The following FRYL variants were observed in gnomAD, a reference collection of about 807,000 sequenced individuals.
The protein encoded by FRYL is protein furry homolog-like.
Under a neutral mutation model 351.2 loss-of-function variants are expected in FRYL, and 150 were observed. The observed-to-expected ratio is 0.43, with a 90% CI of 0.37 to 0.49. FRYL has a LOEUF of 0.49. Ranked by LOEUF, FRYL falls within the 20% of genes least tolerant of loss-of-function variation. The pLI is 0.00. For missense variants in FRYL, 3,036 were observed against 3,619.3 expected, an observed-to-expected ratio of 0.84 and a Z score of 4.13; for synonymous variants, 1,153 against 1,257.1, an observed-to-expected ratio of 0.92 and a Z score of 1.75.
intron 1 of FRYL, among the ~76,000 whole-genome samples, chr4:48,761,798 C>T (rs1369625425): frequency 1.3e-5 from 2 of 152,162 alleles, no homozygotes; most frequent in East Asian, 1.9e-4. Context: ...CTATATCATA[C>T]AGCCTAGATG....
chr4:48,739,459 G>A (rs1171061205), intron 1 of FRYL, among the ~76,000 whole-genome samples: 1 of 150,610 alleles, frequency 6.6e-6, no homozygotes, highest in African/African-American at 2.4e-5. Context: ...GCAATACAAG[G>A]GAGAAAAGAT....
intron 2 of FRYL, among the ~76,000 whole-genome samples, chr4:48,691,220 C>A (rs1484233761): frequency 1.1e-4 from 17 of 152,148 alleles, no homozygotes; most frequent in Non-Finnish European, 2.4e-4. Context: ...AACTCCATTT[C>A]TAAGAGCTTA....
chr4:48,561,460 G>C lies in FRYL; in HGVS notation c.3865+8C>G, dbSNP rs375729707. 3 of 1,559,544 alleles carry C rather than the reference G, an allele frequency of 1.9e-6. No individual in the cohort carries two copies. In the African/African-American group the frequency reaches 4.1e-5, roughly 21 times the overall value. ...AATAGAAACTACTAACCAGTTCATT[G>C]ATCATACCTGAGAATATGGCGAGAG... is the stretch of plus-strand genomic sequence containing the variant. On this transcript the variant is annotated splice_region_variant and intron_variant, in intron 33 of 63. Transcript: ENST00000358350.
intron 47 of FRYL, among the ~76,000 whole-genome samples, chr4:48,536,935 G>T (rs1203973262): frequency 6.6e-6 from 1 of 152,078 alleles, no homozygotes; most frequent in Non-Finnish European, 1.5e-5. Flanking sequence ...GTTATGCAAG[G>T]TCGTGCATAG....
chr4:48,671,725 C>T (rs193204892), intron 3 of FRYL, among the ~76,000 whole-genome samples: 2 of 150,658 alleles, frequency 1.3e-5, no homozygotes, highest in Non-Finnish European at 3.0e-5. Context: ...TGGTGGTGCA[C>T]GTCTGTAATC....
chr4:48,657,315 T>C (rs940335680), intron 3 of FRYL, among the ~76,000 whole-genome samples: 1 of 151,060 alleles, frequency 6.6e-6, no homozygotes, highest in Admixed American at 6.6e-5. Flanking sequence ...GGTAGACAGG[T>C]GCACACCACC....
chr4:48,754,122 C>A lies in FRYL; in HGVS notation c.-384+25956G>T, dbSNP rs111401345. ...TATTTTACAACCAACACCTCTATCTCTTTCCAAAACATTTTCATCACCCCA... is the reference window on the plus strand; with the variant it reads ...TATTTTACAACCAACACCTCTATCTATTTCCAAAACATTTTCATCACCCCA... On this transcript the variant is annotated intron_variant, in intron 1 of 63. Transcript: ENST00000358350. Among the ~76,000 whole-genome samples the A allele has an allele frequency of 4.5e-3, 680 of 152,308 alleles. 4 individuals are homozygous for A. The highest frequency in any genetic ancestry group is 0.015 in the African/African-American group (631 of 41,570).
In FRYL at chr4:48,543,791, G is replaced by T. The variant is rs778066648; in HGVS notation, c.5592+16C>A. ...AGTAGCTGCTCAATAACTGCTGAAA[G>T]AATATAAGGAAATACCTGTGCATCT... On this transcript the variant is annotated intron_variant, in intron 44 of 63. Coordinates refer to ENST00000358350, the MANE Select transcript of FRYL (RefSeq NM_015030.2). 2 of 1,606,508 alleles carry T rather than the reference G, an allele frequency of 1.2e-6. No individual in the cohort carries two copies. The highest frequency in any genetic ancestry group is 2.2e-5 in the East Asian group (1 of 44,800).
chr4:48,602,527 G>A (rs2149253377), intron 12 of FRYL, among the ~76,000 whole-genome samples: 1 of 151,804 alleles, frequency 6.6e-6, no homozygotes, highest in Middle Eastern at 3.4e-3. Context: ...TAAAGTAGAG[G>A]ACAATAATCA....
At chr4:48,615,858 T>A (rs1353429033) in intron 7 of FRYL, among the ~76,000 whole-genome samples, 1 of 152,132 alleles carries the variant, frequency 6.6e-6, no homozygotes. Context: ...ATGTGGCACA[T>A]ATACACCATG....
intron 1 of FRYL, among the ~76,000 whole-genome samples, chr4:48,746,126 A>G (rs1355620247): frequency 6.6e-6 from 1 of 152,232 alleles, no homozygotes; most frequent in African/African-American, 2.4e-5. Flanking sequence ...CCGTGCGTGA[A>G]CAGCAAAGGC....
At chr4:48,568,640 G>C (rs1447329317) in intron 27 of FRYL, among the ~76,000 whole-genome samples, 5 of 152,012 alleles carry the variant, frequency 3.3e-5, no homozygotes, top group Admixed American at 1.3e-4. Flanking sequence ...ACAAGAGTTA[G>C]GAGTGGCAAT....
At chr4:48,708,807 T>C (rs1767669452) in intron 2 of FRYL, among the ~76,000 whole-genome samples, 1 of 152,080 alleles carries the variant, frequency 6.6e-6, no homozygotes, top group African/African-American at 2.4e-5. Context: ...TTGCCCAGGC[T>C]GGTCTCAAAC....
chr4:48,535,779 T>A lies in FRYL; in HGVS notation c.6442A>T (p.Met2148Leu), dbSNP rs1303485704. ...TACGTGTGTGTACTGTACAAACTCA[T>A]CATGTGTGCCAGATTGACAAGTGTT... is the stretch of plus-strand genomic sequence containing the variant. ...CPTLVNLAHM[M>L]SLYSTHTYSR... The change falls in exon 48 of 64, where the codon ATG (methionine) becomes TTG (leucine). Residue 2148 changes from methionine to leucine, a missense_variant. Met to Leu is a conservative substitution (Grantham distance 15). Transcript: ENST00000358350. 1 of 1,578,732 alleles carries A rather than the reference T, an allele frequency of 6.3e-7. No individual in the cohort carries two copies. The highest frequency in any genetic ancestry group is 8.6e-7 in the Non-Finnish European group (1 of 1,159,608).
intron 1 of FRYL, among the ~76,000 whole-genome samples, chr4:48,715,359 T>C (rs1768667853): frequency 6.6e-6 from 1 of 152,166 alleles, no homozygotes; most frequent in Non-Finnish European, 1.5e-5. Flanking sequence ...GACACGATTG[T>C]ATATCTAGAA....
chr4:48,690,586 T>A (rs1260468101), intron 2 of FRYL, among the ~76,000 whole-genome samples: 1 of 152,130 alleles, frequency 6.6e-6, no homozygotes, highest in African/African-American at 2.4e-5. Context: ...TTAACAAAAA[T>A]TTCAATTAAT....
At chr4:48,749,300 C>T (rs550418900) in intron 1 of FRYL, among the ~76,000 whole-genome samples, 7 of 152,302 alleles carry the variant, frequency 4.6e-5, no homozygotes, top group African/African-American at 1.7e-4. Flanking sequence ...TCTTGTCTTT[C>T]AGCATGAGAA....
chr4:48,579,263 GATT>G, intron 22 of FRYL, 22 bp from the exon 23 acceptor site: 1 of 1,555,992 alleles, frequency 6.4e-7, no homozygotes. Context: ...GGAAAAAATT[GATT>G]ATTACACATT....
chr4:48,728,097 G>A (rs1304940596), intron 1 of FRYL, among the ~76,000 whole-genome samples: 2 of 152,068 alleles, frequency 1.3e-5, no homozygotes, highest in Non-Finnish European at 1.5e-5. Context: ...CAGCTACAAA[G>A]AAAAGATCAC....
Sources: allele counts gnomAD v4.1 joint callset (sites outside exome capture counted in the v4.1 genomes callset), GRCh38; gene constraint gnomAD v4.1.1; transcripts MANE v1.5; gene names NCBI Gene and HGNC (gene_info 2026-07-23, HGNC 2026-07-21).